The following CHORDC1 variants were observed in gnomAD, a reference collection of about 807,000 sequenced individuals.
The protein encoded by CHORDC1 is cysteine and histidine rich domain containing 1.
In CHORDC1, 25 loss-of-function variants were observed where a neutral mutation model predicts 48.3. The observed-to-expected ratio is 0.52, with a 90% CI of 0.38 to 0.72. CHORDC1 has a LOEUF of 0.72. Ranked by LOEUF, CHORDC1 falls within the 30% of genes least tolerant of loss-of-function variation. CHORDC1 has a pLI of 0.00. For synonymous variants in CHORDC1, 128 were observed against 126.4 expected (o/e 1.01, Z -0.09); for missense variants, 317 against 388.7 (o/e 0.82, Z 1.55).
At chr11:90,213,741 C>G (rs551989190) in intron 4 of CHORDC1, 4 of 449,566 alleles carry the variant, frequency 8.9e-6, no homozygotes, top group Non-Finnish European at 1.6e-5. Context: ...CACTCTAAGG[C>G]ACAAGAAAAA....
chr11:90,214,107 A>G lies in CHORDC1; in HGVS notation c.240T>C (p.Thr80=), dbSNP rs1254169614. 6.2e-7 allele frequency: 1 copy of G among 1,613,552 alleles called. No homozygotes were observed. Among genetic ancestry groups the G allele is most frequent in the Non-Finnish European group, 8.5e-7 (1 of 1,179,572 alleles). The change falls in exon 4 of 11, where the codon ACT becomes ACC. Residue 80 remains threonine, a synonymous_variant. Transcript: ENST00000320585. ...TTAATTCACATAGCTCCTTCTTCTC[A>G]GTAGTCTTGACTTCAGGTTTGACTG... is the stretch of plus-strand genomic sequence containing the variant. ...PEPVKPEVKT[T]EKKELCELKP...
chr11:90,218,410 T>C (rs547117822), intron 1 of CHORDC1, among the ~76,000 whole-genome samples: 5 of 152,278 alleles, frequency 3.3e-5, no homozygotes, highest in East Asian at 1.9e-4. Context: ...AAATACAGAA[T>C]TGTTTATGTA....
chr11:90,214,801 G>C (rs902610976), intron 3 of CHORDC1, among the ~76,000 whole-genome samples: 3 of 151,854 alleles, frequency 2.0e-5, no homozygotes, highest in African/African-American at 7.3e-5. Context: ...TTTTCTTAGT[G>C]GTATATAAAG....
intron 6 of CHORDC1, chr11:90,206,607 TAC>T (rs1857698985): frequency 3.3e-5 from 12 of 363,684 alleles, no homozygotes; most frequent in South Asian, 2.8e-4. Flanking sequence ...TCAATAAAAA[TAC>T]AGTTACTGCA....
Position 90,202,421 on chromosome 11 carries a change from T to A in CHORDC1, c.983A>T (p.Asp328Val). The A allele has an allele frequency of 6.2e-6, 10 of 1,611,750 alleles. No homozygotes were observed. The highest frequency in any genetic ancestry group is 8.5e-6 in the Non-Finnish European group (10 of 1,179,610). ...PAAKKQEKQK[D>V]ATTD Reference sequence around the variant, plus strand: ...ATCTCCCACTCAATCTGTTGTGGCATCTTTTTGTTTTTCCTGCTTTTTAGC... The same window carrying A: ...ATCTCCCACTCAATCTGTTGTGGCAACTTTTTGTTTTTCCTGCTTTTTAGC... Residue 328 changes from aspartate (D) to valine (V), a missense_variant, in exon 11 of 11, where the codon GAT becomes GTT. Physicochemically the swap from Asp to Val is radical, Grantham distance 152. Coordinates refer to ENST00000320585, the MANE Select transcript of CHORDC1 (RefSeq NM_012124.3).
chr11:90,214,092 T>C lies in CHORDC1; in HGVS notation c.255A>G (p.Leu85=), dbSNP rs1186216646. 6.2e-7 allele frequency: 1 copy of C among 1,613,604 alleles called. No individual in the cohort carries two copies. Residue 85 remains leucine, a synonymous_variant, in exon 4 of 11, where the codon CTA becomes CTG. Transcript: ENST00000320585. ...CCTGAAATTTGGGTTTTAATTCACA[T>C]AGCTCCTTCTTCTCAGTAGTCTTGA... ...PEVKTTEKKE[L]CELKPKFQEH...
At chr11:90,203,716 T>G (rs1393635876) in intron 8 of CHORDC1, among the ~76,000 whole-genome samples, 1 of 152,158 alleles carries the variant, frequency 6.6e-6, no homozygotes, top group Non-Finnish European at 1.5e-5. Context: ...ATTTAAGAAC[T>G]CCTACTAAAT....
intron 1 of CHORDC1, among the ~76,000 whole-genome samples, chr11:90,220,213 A>C (rs10501714): frequency 0.089 from 13,538 of 152,200 alleles, 910 homozygotes; most frequent in East Asian, 0.2. Flanking sequence ...TGTTGCCTCA[A>C]AATTTACTAC....
chr11:90,222,865 G>C, intron 1 of CHORDC1, 26 bp downstream of exon 1: 1 of 1,607,256 alleles, frequency 6.2e-7, no homozygotes, highest in Non-Finnish European at 8.5e-7. Flanking sequence ...GGAGGGGAGG[G>C]AGGGCTGGCG....
Position 90,222,966 on chromosome 11 carries a change from A to C in CHORDC1, c.-12T>G. The C allele has an allele frequency of 6.2e-7, 1 of 1,612,190 alleles. No homozygotes were observed. The highest frequency in any genetic ancestry group is 1.3e-5 in the African/African-American group (1 of 74,926). ...CACAGCAAGGCCATTTTCTTTTCCC[A>C]CCGTCACAGGCAAGGCCCAAACACC... is the stretch of plus-strand genomic sequence containing the variant. On this transcript the variant is annotated 5_prime_UTR_variant, in exon 1 of 11. Coordinates refer to ENST00000320585, the MANE Select transcript of CHORDC1 (RefSeq NM_012124.3).
intron 5 of CHORDC1, 99 bp downstream of exon 5, chr11:90,211,116 T>C (rs1857849467): frequency 3.9e-6 from 3 of 772,614 alleles, no homozygotes; most frequent in South Asian, 3.7e-5. Context: ...AATGTGCGAC[T>C]TTTCCCTATT....
rs1265658989 is a variant in CHORDC1, at chr11:90,213,891, A to C, written c.329+127T>G. 2.5e-5 allele frequency: 19 copies of C among 771,944 alleles called. No individual in the cohort carries two copies. In the East Asian group the frequency reaches 4.8e-4, roughly 20 times the overall value. The allele number at this position is 771,944 out of a possible 1,614,324, so 47.8% of individuals were successfully genotyped here. On this transcript the variant is annotated intron_variant, in intron 4 of 10. Coordinates refer to ENST00000320585, the MANE Select transcript of CHORDC1 (RefSeq NM_012124.3). ...TAAGGCAGATTTAAGGGAGAAACCA[A>C]ATGGTTCAAAGCTTGGTGGCCTACA...
rs116326875 is a variant in CHORDC1, at chr11:90,219,731, C to T, written c.65-1547G>A. Among the ~76,000 whole-genome samples, 1,399 of 152,272 alleles carry T rather than the reference C, an allele frequency of 9.2e-3. 27 individuals carry two copies. Among genetic ancestry groups the T allele is most frequent in the African/African-American group, 0.032 (1,335 of 41,552 alleles). ...GGCTCTCAGCTCTAAGGCTGTGAGA[C>T]CCCTGATTTCCCACTCCTTACTATA... On this transcript the variant is annotated intron_variant, in intron 1 of 10. Coordinates refer to ENST00000320585, the MANE Select transcript of CHORDC1 (RefSeq NM_012124.3).
chr11:90,217,169 T>C (rs1024841864), intron 2 of CHORDC1, among the ~76,000 whole-genome samples: 3 of 152,232 alleles, frequency 2.0e-5, no homozygotes, highest in African/African-American at 7.2e-5. Flanking sequence ...TTTTGTTAGA[T>C]TTGGTGGTGT....
At chr11:90,214,813 G>A (rs1334457031) in intron 3 of CHORDC1, among the ~76,000 whole-genome samples, 2 of 151,806 alleles carry the variant, frequency 1.3e-5, no homozygotes, top group Non-Finnish European at 2.9e-5. Flanking sequence ...TATATAAAGT[G>A]GTTTTATATA....
At chr11:90,221,971 C>T (rs1453670282) in intron 1 of CHORDC1, among the ~76,000 whole-genome samples, 6 of 152,158 alleles carry the variant, frequency 3.9e-5, no homozygotes, top group African/African-American at 1.2e-4. Context: ...TTACATGCGT[C>T]CCAGGGTGGT....
intron 4 of CHORDC1, chr11:90,213,225 A>G: frequency 9.8e-6 from 5 of 508,432 alleles, no homozygotes; most frequent in East Asian, 2.9e-5. Flanking sequence ...TCTTGGTTCT[A>G]TATTATTCAA....
At chr11:90,213,932 G>A (rs1458749905) in intron 4 of CHORDC1, 86 bp downstream of exon 4, 1 of 1,156,946 alleles carries the variant, frequency 8.6e-7, no homozygotes, top group East Asian at 2.4e-5. Context: ...GCTACAAATG[G>A]TATCATGCTA....
At chr11:90,218,025 A>C in intron 2 of CHORDC1, 110 bp downstream of exon 2, 1 of 737,538 alleles carries the variant, frequency 1.4e-6, no homozygotes, top group African/African-American at 1.9e-5. Context: ...CGCAAAGGTC[A>C]TTAAGAAGAA....
Sources: allele counts gnomAD v4.1 joint callset (sites outside exome capture counted in the v4.1 genomes callset), GRCh38; gene constraint gnomAD v4.1.1; transcripts MANE v1.5; gene names NCBI Gene and HGNC (gene_info 2026-07-23, HGNC 2026-07-21).